CTNNA2: variants seen among roughly 807,000 people sequenced by gnomAD.
CTNNA2 encodes the protein catenin alpha-2.
CTNNA2 carries 42 observed loss-of-function variants against 101.0 expected under a neutral mutation model. The ratio of observed to expected loss-of-function variants is 0.42; its 90% CI spans 0.32 to 0.54. The LOEUF is 0.54. Ranked by LOEUF, CTNNA2 falls within the 20% of genes least tolerant of loss-of-function variation. The pLI, the probability that CTNNA2 is intolerant of heterozygous loss-of-function variation, is 0.14. For missense variants in CTNNA2, 871 were observed against 1,223.1 expected, an observed-to-expected ratio of 0.71 and a Z score of 4.29; for synonymous variants, 450 against 456.4, an observed-to-expected ratio of 0.99 and a Z score of 0.18.
chr2:79,379,538 A>T (rs1397645788), intron 4 of CTNNA2, among the ~76,000 whole-genome samples: 2 of 152,182 alleles, frequency 1.3e-5, no homozygotes, highest in Admixed American at 1.3e-4. Context: ...TAAAATCTTC[A>T]GTAGCTAACT....
intron 4 of CTNNA2, among the ~76,000 whole-genome samples, chr2:79,425,626 C>G (rs1678584383): frequency 6.6e-6 from 1 of 152,098 alleles, no homozygotes; most frequent in Non-Finnish European, 1.5e-5. Context: ...ATGGCCTAAT[C>G]ACTTCTTAAA....
intron 12 of CTNNA2, among the ~76,000 whole-genome samples, chr2:80,566,762 T>A (rs1694099526): frequency 6.6e-6 from 1 of 152,170 alleles, no homozygotes; most frequent in Non-Finnish European, 1.5e-5. Context: ...AGTCAGGGAA[T>A]GGTACATAGA....
chr2:79,334,677 A>G (rs952513914), intron 3 of CTNNA2, among the ~76,000 whole-genome samples: 1 of 152,128 alleles, frequency 6.6e-6, no homozygotes, highest in Admixed American at 6.6e-5. Context: ...CATTGTGGTT[A>G]TATGTTTCAT....
At chr2:80,101,743 G>T (rs911154593) in intron 7 of CTNNA2, among the ~76,000 whole-genome samples, 9 of 152,170 alleles carry the variant, frequency 5.9e-5, no homozygotes, top group African/African-American at 1.4e-4. Flanking sequence ...CCTGTGATCA[G>T]TGTGTATTTA....
chr2:80,551,766 C>CA (rs1374017332), intron 11 of CTNNA2, among the ~76,000 whole-genome samples: 1 of 152,176 alleles, frequency 6.6e-6, no homozygotes, highest in Non-Finnish European at 1.5e-5. Flanking sequence ...TCCATATTAG[C>CA]AATAAGGCTG....
chr2:80,098,632 C>T (rs893765272), intron 7 of CTNNA2, among the ~76,000 whole-genome samples: 1 of 152,222 alleles, frequency 6.6e-6, no homozygotes, highest in Non-Finnish European at 1.5e-5. Context: ...GGCAGGCCTC[C>T]CCGAGCTGTG....
intron 2 of CTNNA2, among the ~76,000 whole-genome samples, chr2:79,269,972 G>A (rs1675042059): frequency 6.6e-6 from 1 of 152,080 alleles, no homozygotes. Context: ...ACTGGTGGCT[G>A]GGGATAGGAG....
At chr2:80,013,193 T>C (rs945574083) in intron 7 of CTNNA2, among the ~76,000 whole-genome samples, 2 of 151,968 alleles carry the variant, frequency 1.3e-5, no homozygotes, top group Admixed American at 6.6e-5. Context: ...CAAAACAGTC[T>C]CAAAGAGGCC....
chr2:80,112,938 G>T (rs978266649), intron 7 of CTNNA2, among the ~76,000 whole-genome samples: 1 of 152,190 alleles, frequency 6.6e-6, no homozygotes, highest in African/African-American at 2.4e-5. Context: ...GGAGCCAGCT[G>T]TGACTGTGAC....
intron 2 of CTNNA2, among the ~76,000 whole-genome samples, chr2:79,223,708 T>C (rs1674373800): frequency 6.6e-6 from 1 of 152,210 alleles, no homozygotes; most frequent in African/African-American, 2.4e-5. Context: ...TGCAACATTA[T>C]TGACTGGTGA....
intron 7 of CTNNA2, among the ~76,000 whole-genome samples, chr2:79,925,117 A>G (rs1020233552): frequency 7.2e-5 from 11 of 152,006 alleles, no homozygotes; most frequent in African/African-American, 2.7e-4. Context: ...TATATTTAGA[A>G]CCACAAGATC....
chr2:80,241,681 T>C (rs1670956366), intron 7 of CTNNA2, among the ~76,000 whole-genome samples: 1 of 152,108 alleles, frequency 6.6e-6, no homozygotes, highest in Non-Finnish European at 1.5e-5. Flanking sequence ...GATAAATTCA[T>C]CTGTATAGGG....
intron 3 of CTNNA2, among the ~76,000 whole-genome samples, chr2:79,340,975 G>C (rs1187240258): frequency 1.3e-5 from 2 of 150,356 alleles, no homozygotes; most frequent in African/African-American, 4.9e-5. Context: ...TACATTGAGT[G>C]ATAAATATTA....
chr2:80,282,403 C>CA (rs1298347869), intron 7 of CTNNA2, among the ~76,000 whole-genome samples: 1 of 152,040 alleles, frequency 6.6e-6, no homozygotes, highest in Non-Finnish European at 1.5e-5. Flanking sequence ...ATGTAGGCCT[C>CA]TCAAGTGAAA....
chr2:79,885,565 G>GCAAC (rs1191119107), intron 6 of CTNNA2, among the ~76,000 whole-genome samples: 1 of 152,110 alleles, frequency 6.6e-6, no homozygotes, highest in African/African-American at 2.4e-5. Flanking sequence ...TTTTGCTGTA[G>GCAAC]CAACCAATAT....
intron 9 of CTNNA2, among the ~76,000 whole-genome samples, chr2:80,494,788 T>G (rs1343322257): frequency 6.6e-6 from 1 of 152,134 alleles, no homozygotes; most frequent in African/African-American, 2.4e-5. Context: ...TAAGTATGTG[T>G]TAAAAATCTT....
At chr2:79,997,320 A>AGAGG (rs1330536663) in intron 7 of CTNNA2, among the ~76,000 whole-genome samples, 1 of 151,762 alleles carries the variant, frequency 6.6e-6, no homozygotes. Context: ...AGAAAAAAAG[A>AGAGG]GAGGGAGGGA....
chr2:79,427,164 T>C (rs1055026601), intron 4 of CTNNA2, among the ~76,000 whole-genome samples: 4 of 152,028 alleles, frequency 2.6e-5, no homozygotes, highest in African/African-American at 9.7e-5. Context: ...CAACACAATG[T>C]CATATCATGA....
At chr2:80,195,649 T>C (rs1212126894) in intron 7 of CTNNA2, among the ~76,000 whole-genome samples, 1 of 151,470 alleles carries the variant, frequency 6.6e-6, no homozygotes, top group African/African-American at 2.4e-5. Context: ...AGCAATATGA[T>C]TTAGGACATT....
Sources: gnomAD v4.1 joint callset for allele counts (sites outside exome capture counted in the v4.1 genomes callset) on GRCh38, gnomAD v4.1.1 for gene constraint, MANE v1.5 for transcripts, NCBI Gene and HGNC (gene_info 2026-07-23, HGNC 2026-07-21) for gene names.